The following GALNTL5 variants were observed in gnomAD, a reference collection of about 807,000 sequenced individuals.
GALNTL5 encodes inactive polypeptide N-acetylgalactosaminyltransferase-like protein 5.
A neutral mutation model predicts 51.0 loss-of-function variants in GALNTL5; 44 were observed. The observed-to-expected ratio is 0.86, with a 90% CI of 0.68 to 1.11. The LOEUF (loss-of-function observed/expected upper bound fraction) is 1.11, where lower values mean the gene tolerates loss of function less well. Ranked by LOEUF, GALNTL5 falls within the 50% of genes least tolerant of loss-of-function variation. The pLI, the probability that GALNTL5 is intolerant of heterozygous loss-of-function variation, is 0.00. For missense variants in GALNTL5, 528 were observed against 531.8 expected, an observed-to-expected ratio of 0.99 and a Z score of 0.07; for synonymous variants, 192 against 182.8, an observed-to-expected ratio of 1.05 and a Z score of -0.41.
At chr7:151,985,456 G>A (rs1014899999) in intron 4 of GALNTL5, among the ~76,000 whole-genome samples, 2 of 152,074 alleles carry the variant, frequency 1.3e-5, no homozygotes, top group Admixed American at 6.6e-5. Context: ...TTTAATTCAC[G>A]GTGACTTCAT....
chr7:151,972,559 G>T (rs922898508), intron 3 of GALNTL5, among the ~76,000 whole-genome samples: 3 of 152,188 alleles, frequency 2.0e-5, no homozygotes, highest in African/African-American at 7.2e-5. Context: ...AAATGATTTT[G>T]TTGGCCAGGC....
At chr7:151,992,838 C>G (rs1235994197) in intron 5 of GALNTL5, among the ~76,000 whole-genome samples, 2 of 152,074 alleles carry the variant, frequency 1.3e-5, no homozygotes, top group Non-Finnish European at 2.9e-5. Flanking sequence ...TAGAAATGCT[C>G]CCCTAGAGTC....
intron 1 of GALNTL5, among the ~76,000 whole-genome samples, chr7:151,961,774 G>A (rs1263012437): frequency 6.6e-6 from 1 of 152,048 alleles, no homozygotes; most frequent in Non-Finnish European, 1.5e-5. Flanking sequence ...GTATTCTTGT[G>A]TTTACCAGTA....
Position 152,015,639 on chromosome 7 carries a change from G to A in GALNTL5, c.1176+846G>A, listed in dbSNP as rs185967372. Among the ~76,000 whole-genome samples the A allele has an allele frequency of 7.2e-5, 11 of 152,114 alleles. No individual in the cohort carries two copies. The East Asian group carries it at 2.1e-3, about 29-fold the overall frequency. ...TTCCAAAGTGCTGGGATTTATAAGA[G>A]TGAGCCACCGTACCCGGCCCATGTG... On this transcript the variant is annotated intron_variant, in intron 8 of 8. Coordinates refer to ENST00000392800, the MANE Select transcript of GALNTL5 (RefSeq NM_145292.4).
At chr7:151,974,992 A>C (rs539645092) in intron 3 of GALNTL5, among the ~76,000 whole-genome samples, 5 of 152,210 alleles carry the variant, frequency 3.3e-5, no homozygotes, top group African/African-American at 9.6e-5. Flanking sequence ...CTGGAGTCCA[A>C]CCAGATTTTT....
intron 5 of GALNTL5, among the ~76,000 whole-genome samples, chr7:151,988,763 G>A (rs1283711899): frequency 6.7e-6 from 1 of 150,082 alleles, no homozygotes; most frequent in African/African-American, 2.5e-5. Flanking sequence ...AGGCTGGAGT[G>A]CAATGGCACA....
intron 3 of GALNTL5, among the ~76,000 whole-genome samples, chr7:151,978,796 A>G (rs1275490001): frequency 2.0e-5 from 3 of 152,076 alleles, no homozygotes; most frequent in African/African-American, 7.2e-5. Flanking sequence ...TTCCCTTTGT[A>G]TATGTCTGTC....
At chr7:152,017,086 T>C (rs984335938) in intron 8 of GALNTL5, among the ~76,000 whole-genome samples, 10 of 151,442 alleles carry the variant, frequency 6.6e-5, no homozygotes, top group Non-Finnish European at 1.3e-4. Context: ...CTATAGTGTA[T>C]AGTCATGTCT....
In GALNTL5 at chr7:152,014,687, G is replaced by C. The variant is rs777799870; in HGVS notation, c.1070G>C (p.Arg357Pro). The C allele has an allele frequency of 3.7e-6, 6 of 1,613,538 alleles. No individual in the cohort carries two copies. The South Asian group carries it at 6.6e-5, about 18-fold the overall frequency. Reference sequence around the variant, plus strand: ...CAACTCTTTATAATCCCCTGCTCTCGAGTAGGACATATCAGTAAGAAACAA... The same window carrying C: ...CAACTCTTTATAATCCCCTGCTCTCCAGTAGGACATATCAGTAAGAAACAA... ...GGQLFIIPCS[R>P]VGHISKKQTG... Residue 357 changes from arginine (R) to proline (P), a missense_variant, in exon 8 of 9, where the codon CGA (arginine) becomes CCA (proline). Physicochemically the swap from Arg to Pro is moderately radical, Grantham distance 103. Transcript: ENST00000392800.
At chr7:152,006,699 T>C (rs189880868) in intron 6 of GALNTL5, among the ~76,000 whole-genome samples, 2 of 152,220 alleles carry the variant, frequency 1.3e-5, no homozygotes, top group Non-Finnish European at 2.9e-5. Flanking sequence ...GAGTGACTCA[T>C]ATCCCTAAAA....
At chr7:151,959,402 G>C (rs900692957) in intron 1 of GALNTL5, among the ~76,000 whole-genome samples, 1 of 152,042 alleles carries the variant, frequency 6.6e-6, no homozygotes, top group Non-Finnish European at 1.5e-5. Flanking sequence ...ATTTTCCCTA[G>C]TTAGAAGTTG....
intron 7 of GALNTL5, among the ~76,000 whole-genome samples, chr7:152,009,914 A>C (rs2081707021): frequency 6.6e-6 from 1 of 152,230 alleles, no homozygotes; most frequent in East Asian, 1.9e-4. Context: ...GTTTAGGACT[A>C]TCTCTTGAGA....
At chr7:152,014,905 T>C (rs1464739927) in intron 8 of GALNTL5, 112 bp downstream of exon 8, 1 of 983,044 alleles carries the variant, frequency 1.0e-6, no homozygotes, top group Non-Finnish European at 1.5e-6. Flanking sequence ...GAGGTCATTA[T>C]CCTAAGCAAA....
chr7:152,017,846 T>TC (rs1470063643), intron 8 of GALNTL5, among the ~76,000 whole-genome samples: 2 of 152,116 alleles, frequency 1.3e-5, no homozygotes, highest in Admixed American at 1.3e-4. Flanking sequence ...GAGAATTCTT[T>TC]TTTTTTTTCT....
chr7:152,019,527 T>A (rs925761019), intron 8 of GALNTL5, 119 bp from the exon 9 acceptor site: 1 of 954,700 alleles, frequency 1.0e-6, no homozygotes, highest in Non-Finnish European at 1.6e-6. Flanking sequence ...AAAATTGGGA[T>A]CTGGAGGGCT....
intron 5 of GALNTL5, among the ~76,000 whole-genome samples, chr7:151,994,247 C>T (rs2081464444): frequency 6.6e-6 from 1 of 152,146 alleles, no homozygotes; most frequent in South Asian, 2.1e-4. Context: ...AGCCAGCGGC[C>T]CTTCCTTAAC....
At chr7:151,986,635 A>C (rs2081362488) in intron 4 of GALNTL5, among the ~76,000 whole-genome samples, 1 of 152,182 alleles carries the variant, frequency 6.6e-6, no homozygotes, top group South Asian at 2.1e-4. Flanking sequence ...GCCCTGTCTC[A>C]ACAAAAACGA....
intron 1 of GALNTL5, among the ~76,000 whole-genome samples, chr7:151,966,307 G>C (rs1429500553): frequency 6.8e-6 from 1 of 146,060 alleles, no homozygotes; most frequent in Admixed American, 6.9e-5. Flanking sequence ...CATTCTTGTT[G>C]CCCAGGCTGG....
At chr7:152,014,824 T>C (rs375829428) in intron 8 of GALNTL5, 31 bp downstream of exon 8, 3 of 1,580,890 alleles carry the variant, frequency 1.9e-6, no homozygotes, top group Admixed American at 1.8e-5. Context: ...TTGGAAAATG[T>C]ATGCGAGGCC....
Sources: gnomAD v4.1 joint callset for allele counts (sites outside exome capture counted in the v4.1 genomes callset) on GRCh38, gnomAD v4.1.1 for gene constraint, MANE v1.5 for transcripts, NCBI Gene and HGNC (gene_info 2026-07-23, HGNC 2026-07-21) for gene names.